The following PHTF2 variants were observed in gnomAD, a reference collection of about 807,000 sequenced individuals.
The protein encoded by PHTF2 is protein PHTF2.
PHTF2 carries 60 observed loss-of-function variants against 101.2 expected under a neutral mutation model. The ratio of observed to expected loss-of-function variants is 0.59; its 90% confidence interval spans 0.48 to 0.73. The LOEUF (loss-of-function observed/expected upper bound fraction) is 0.73, where lower values mean the gene tolerates loss of function less well. PHTF2 is among the 30% of genes least tolerant of loss of function. The probability of loss-of-function intolerance (pLI) is 0.00; values close to 1 mark genes in which losing one functional copy is unlikely to be tolerated. For missense variants in PHTF2, 747 were observed against 908.7 expected (o/e 0.82, Z 2.29); for synonymous variants, 311 against 307.3 (o/e 1.01, Z -0.13).
intron 2 of PHTF2, chr7:77,854,586 G>T: frequency 1.6e-6 from 1 of 615,872 alleles, no homozygotes; most frequent in South Asian, 1.9e-5. Flanking sequence ...CCAGCCCAGG[G>T]CAGGTACAGA....
At chr7:77,932,868 T>A (rs183494568) in intron 12 of PHTF2, among the ~76,000 whole-genome samples, 1 of 152,314 alleles carries the variant, frequency 6.6e-6, no homozygotes, top group East Asian at 1.9e-4. Flanking sequence ...TCTCATGTAT[T>A]TAACCTTTAC....
intron 1 of PHTF2, among the ~76,000 whole-genome samples, chr7:77,825,907 A>T (rs988824835): frequency 2.0e-5 from 3 of 152,220 alleles, no homozygotes; most frequent in African/African-American, 4.8e-5. Context: ...AGAATAGCTG[A>T]TATCCCTAAA....
chr7:77,821,126 GTTTTTT>G (rs56131046), intron 1 of PHTF2, among the ~76,000 whole-genome samples: 1 of 149,620 alleles, frequency 6.7e-6, no homozygotes, highest in South Asian at 2.1e-4. Flanking sequence ...TTGGATGGCA[GTTTTTT>G]TTTTTTCTTT....
At chr7:77,808,987 T>C in intron 1 of PHTF2, among the ~76,000 whole-genome samples, 1 of 152,184 alleles carries the variant, frequency 6.6e-6, no homozygotes, top group East Asian at 1.9e-4. Flanking sequence ...ATATTGAGTT[T>C]TGAAGTAATA....
chr7:77,955,115 G>A (rs1806914110), exon 20 of PHTF2: 1 of 266,114 alleles, frequency 3.8e-6, no homozygotes, highest in East Asian at 6.1e-5. Context: ...TTGAAAGGGT[G>A]ATGAAACTGA....
intron 1 of PHTF2, among the ~76,000 whole-genome samples, chr7:77,827,845 T>C (rs1794803629): frequency 6.6e-6 from 1 of 151,882 alleles, no homozygotes. Flanking sequence ...AGTTTCACCA[T>C]GTTGGTCAGG....
At chr7:77,861,555 T>C (rs796218570) in intron 3 of PHTF2, among the ~76,000 whole-genome samples, 6 of 152,368 alleles carry the variant, frequency 3.9e-5, no homozygotes, top group African/African-American at 1.2e-4. Context: ...TAATACATTG[T>C]GATAGATCTG....
chr7:77,954,931 A>G, exon 20 of PHTF2: 1 of 981,586 alleles, frequency 1.0e-6, no homozygotes, highest in Non-Finnish European at 1.5e-6. Flanking sequence ...AGTACTGACT[A>G]AGCTGCCTGA....
At chr7:77,861,396 G>A (rs957021496) in intron 3 of PHTF2, among the ~76,000 whole-genome samples, 3 of 151,984 alleles carry the variant, frequency 2.0e-5, no homozygotes, top group Non-Finnish European at 4.4e-5. Context: ...ACTATCCTAC[G>A]TGGTGAATTT....
intron 1 of PHTF2, among the ~76,000 whole-genome samples, chr7:77,829,681 C>A (rs1794937275): frequency 1.3e-5 from 2 of 152,154 alleles, no homozygotes; most frequent in South Asian, 2.1e-4. Context: ...AAGGGCAGAG[C>A]AACTTTGTTC....
chr7:77,910,559 G>T, intron 9 of PHTF2, 150 bp downstream of exon 8: 1 of 594,246 alleles, frequency 1.7e-6, no homozygotes, highest in Non-Finnish European at 2.9e-6. Flanking sequence ...ATAGATAATG[G>T]AAAAATAGAC....
At chr7:77,838,058 C>T (rs1795604241) in intron 1 of PHTF2, among the ~76,000 whole-genome samples, 1 of 152,090 alleles carries the variant, frequency 6.6e-6, no homozygotes, top group African/African-American at 2.4e-5. Context: ...TCATAGTTTG[C>T]TTGAGGGGAT....
At chr7:77,863,730 A>G (rs913300216) in intron 3 of PHTF2, among the ~76,000 whole-genome samples, 1 of 151,872 alleles carries the variant, frequency 6.6e-6, no homozygotes, top group African/African-American at 2.4e-5. Context: ...TTTATGTTTA[A>G]ATAACATTTA....
At chr7:77,818,593 T>C (rs1794035755) in intron 1 of PHTF2, among the ~76,000 whole-genome samples, 2 of 152,258 alleles carry the variant, frequency 1.3e-5, no homozygotes, top group African/African-American at 4.8e-5. Context: ...TTCTGGGTTC[T>C]CTATTCTGTT....
chr7:77,851,284 C>T (rs572999928), intron 2 of PHTF2, among the ~76,000 whole-genome samples: 1 of 152,226 alleles, frequency 6.6e-6, no homozygotes, highest in South Asian at 2.1e-4. Flanking sequence ...GATCTCATTA[C>T]TTATTATTGG....
rs116172991 is a variant in PHTF2 at position 77,848,079 on chromosome 7, A to G, written c.46-6654A>G. Among the ~76,000 whole-genome samples the G allele has an allele frequency of 1.4e-3, 216 of 152,298 alleles. 2 individuals carry two copies. The highest frequency in any genetic ancestry group is 5.0e-3 in the African/African-American group (209 of 41,570). Reference sequence around the variant, plus strand: ...GACGGAATACTACTCCATTGTGTATATGTACCAATTTTCTTTATCCATTCA... The same window carrying G: ...GACGGAATACTACTCCATTGTGTATGTGTACCAATTTTCTTTATCCATTCA... On this transcript the variant is annotated intron_variant, in intron 2 of 19. Transcript: ENST00000416283.
At chr7:77,882,896 G>A (rs578190905) in intron 3 of PHTF2, among the ~76,000 whole-genome samples, 1 of 152,120 alleles carries the variant, frequency 6.6e-6, no homozygotes, top group Admixed American at 6.5e-5. Flanking sequence ...AGTCACCTGA[G>A]TATCTGACTT....
intron 1 of PHTF2, among the ~76,000 whole-genome samples, chr7:77,814,743 C>T (rs575527342): frequency 6.6e-6 from 1 of 151,878 alleles, no homozygotes; most frequent in Admixed American, 6.6e-5. Flanking sequence ...ATCTCCTGAC[C>T]TCGTGAGCCA....
chr7:77,862,143 T>C (rs1327136783), intron 3 of PHTF2, among the ~76,000 whole-genome samples: 2 of 152,126 alleles, frequency 1.3e-5, no homozygotes, highest in Non-Finnish European at 2.9e-5. Context: ...CACAGTAATG[T>C]TTATAGACTC....
Sources: allele counts gnomAD v4.1 joint callset (sites outside exome capture counted in the v4.1 genomes callset), GRCh38; gene constraint gnomAD v4.1.1; transcripts MANE v1.5; gene names NCBI Gene and HGNC (gene_info 2026-07-23, HGNC 2026-07-21).